XYLT2: variants seen among roughly 807,000 people sequenced by gnomAD.
XYLT2 encodes UDP-D-xylose:proteoglycan core protein beta-D-xylosyltransferase.
A neutral mutation model predicts 82.6 loss-of-function variants in XYLT2; 37 were observed. The observed-to-expected ratio is 0.45, with a 90% CI of 0.34 to 0.59. The LOEUF (loss-of-function observed/expected upper bound fraction) is 0.59. Among genes scored for constraint, XYLT2 ranks in the 20% least tolerant of loss-of-function variants. XYLT2 has a pLI of 0.01. For synonymous variants in XYLT2, 474 were observed against 499.0 expected (o/e 0.95, Z 0.67); for missense variants, 934 against 1,181.3 (o/e 0.79, Z 3.07).
intron 6 of XYLT2, 26 bp from the exon 7 acceptor site, chr17:50,356,059 C>T: frequency 6.2e-7 from 1 of 1,614,104 alleles, no homozygotes; most frequent in East Asian, 2.2e-5. Context: ...TGCAGCTCAC[C>T]TTCCACTCTC....
At chr17:50,348,669 C>T (rs1912136612) in intron 1 of XYLT2, among the ~76,000 whole-genome samples, 1 of 152,118 alleles carries the variant, frequency 6.6e-6, no homozygotes, top group Admixed American at 6.5e-5. Flanking sequence ...CCCGAGAAGT[C>T]AAAGGAGGTG....
chr17:50,356,861 A>G, intron 8 of XYLT2, 88 bp downstream of exon 8: 2 of 1,522,854 alleles, frequency 1.3e-6, no homozygotes, highest in Non-Finnish European at 1.8e-6. Flanking sequence ...CCTGCCCACA[A>G]CAAGGCCCCA....
Position 50,346,425 on chromosome 17 carries a change from C to A in XYLT2, c.135+150C>A. On this transcript the variant is annotated intron_variant, in intron 1 of 10. Coordinates refer to ENST00000017003, the MANE Select transcript of XYLT2 (RefSeq NM_022167.4). This position sits in a 1 kb window ranked among gnomAD's most constrained non-coding sequence, Gnocchi z 5.1. ...CGGTCGCCCAGAGCGGAGCATCCGG[C>A]CCCCGGCACTCCCTTCCCCAGCAGG... 1 of 921,374 alleles carries A rather than the reference C, an allele frequency of 1.1e-6. No homozygotes were observed. The highest frequency in any genetic ancestry group is 1.8e-5 in the African/African-American group (1 of 56,064). The allele number at this position is 921,374 out of a possible 1,614,324, so 57.1% of individuals were successfully genotyped here. A position where few individuals can be genotyped will look rare whatever the true frequency, so the allele number is the denominator to read the frequency against.
chr17:50,351,793 T>C (rs1912281542), intron 1 of XYLT2, among the ~76,000 whole-genome samples: 1 of 152,112 alleles, frequency 6.6e-6, no homozygotes, highest in Non-Finnish European at 1.5e-5. Context: ...CGAGCTCCCA[T>C]GTGAGATGTC....
chr17:50,346,582 G>C lies in XYLT2; in HGVS notation c.135+307G>C. On this transcript the variant is annotated intron_variant, in intron 1 of 10. Coordinates refer to ENST00000017003, the MANE Select transcript of XYLT2 (RefSeq NM_022167.4). This position sits in a 1 kb window ranked among gnomAD's most constrained non-coding sequence, Gnocchi z 5.1. ...GGGAGCGATGAAGGTCAGGCGCGGC[G>C]AGCGGGGCTGGGAGGCGGGGCTGGG... The C allele has an allele frequency of 1.0e-6, 1 of 982,382 alleles. No homozygotes were observed. Among genetic ancestry groups the C allele is most frequent in the Non-Finnish European group, 1.2e-6 (1 of 827,142 alleles). 60.9% of individuals were successfully genotyped at this position (982,382 alleles called of 1,614,324 possible).
intron 1 of XYLT2, 108 bp from the exon 2 acceptor site, chr17:50,353,521 AG>A: frequency 8.2e-6 from 12 of 1,468,288 alleles, no homozygotes; most frequent in Non-Finnish European, 1.0e-5. Flanking sequence ...TCTGGGTAAA[AG>A]GTGGGCAGGA....
Position 50,353,649 on chromosome 17 carries a change from C to T in XYLT2, c.155C>T (p.Pro52Leu), listed in dbSNP as rs1158178881. 1 of 1,565,754 alleles carries T rather than the reference C, an allele frequency of 6.4e-7. No individual in the cohort carries two copies. Among genetic ancestry groups the T allele is most frequent in the Admixed American group, 1.9e-5 (1 of 53,376 alleles). The change falls in exon 2 of 11, where the codon CCA (proline) becomes CTA (leucine). Residue 52 changes from proline to leucine, a missense_variant. This residue lies in a region of XYLT2 where 371 missense variants were observed against 394.9 expected (regional missense o/e 0.94). Coordinates refer to ENST00000017003, the MANE Select transcript of XYLT2 (RefSeq NM_022167.4). ...EAGEKGRQRK[P>L]RPLDPGEGSK... ...TTACAGAAAGGAAGGCAGAGGAAGC[C>T]ACGGCCACTGGACCCTGGCGAGGGT... is the stretch of plus-strand genomic sequence containing the variant.
chr17:50,356,619 C>T lies in XYLT2; in HGVS notation c.1591C>T (p.Pro531Ser). 1.2e-6 allele frequency: 2 copies of T among 1,614,150 alleles called. No individual in the cohort carries two copies. Among genetic ancestry groups the T allele is most frequent in the Non-Finnish European group, 1.7e-6 (2 of 1,180,020 alleles). The change falls in exon 8 of 11, where the codon CCA becomes TCA. Residue 531 changes from proline (P) to serine (S), a missense_variant. By Grantham distance (74) the Pro-to-Ser change is moderately conservative. This residue lies in a region of XYLT2 where 374 missense variants were observed against 465.6 expected (regional missense o/e 0.80). Transcript: ENST00000017003. ...GTATGGCAGCTACCCCCCCGGCACG[C>T]CAGCCCTCAAGGCCTACTGGGAGAA... ...HLYGSYPPGT[P>S]ALKAYWENTY...
In XYLT2 at chr17:50,355,780, G is replaced by C. The variant is rs1598351331; in HGVS notation, c.1089-1G>C. 1 of 1,614,116 alleles carries C rather than the reference G, an allele frequency of 6.2e-7. No homozygotes were observed. Among genetic ancestry groups the C allele is most frequent in the Non-Finnish European group, 8.5e-7 (1 of 1,180,030 alleles). On this transcript the variant is annotated splice_acceptor_variant, in intron 5 of 10. Coordinates refer to ENST00000017003, the MANE Select transcript of XYLT2 (RefSeq NM_022167.4). LOFTEE classifies it high-confidence loss of function. ...AGCCATGGCCTCTCTGCTGCCCACAGGTTCATCAAGAAACAGGGCCTGGAC... is the reference window on the plus strand; with the variant it reads ...AGCCATGGCCTCTCTGCTGCCCACACGTTCATCAAGAAACAGGGCCTGGAC...
intron 8 of XYLT2, 31 bp from the exon 9 acceptor site, chr17:50,357,026 G>C (rs1483181417): frequency 1.8e-5 from 28 of 1,564,606 alleles, no homozygotes; most frequent in Non-Finnish European, 2.3e-5. Context: ...TGTGCTGATG[G>C]CATCTCCCTT....
chr17:50,346,278 G>A lies in XYLT2; in HGVS notation c.135+3G>A, dbSNP rs776652901. On this transcript the variant is annotated splice_donor_region_variant and intron_variant, in intron 1 of 10. Coordinates refer to ENST00000017003, the MANE Select transcript of XYLT2 (RefSeq NM_022167.4). This position sits in a 1 kb window ranked among gnomAD's most constrained non-coding sequence, Gnocchi z 5.1. The stretch of plus-strand genomic sequence containing the variant: ...TGGAGGAGGACGAGGCGGGCGAGGT[G>A]CTCCGACGGCCGGGCGGGCGGGCAG... 4.5e-6 allele frequency: 5 copies of A among 1,114,638 alleles called. No individual in the cohort carries two copies. In the South Asian group the frequency reaches 1.4e-4, roughly 31 times the overall value. 69.0% of individuals were successfully genotyped at this position (1,114,638 alleles called of 1,614,324 possible).
rs758090301 is a variant in XYLT2, at chr17:50,353,819, G to A, written c.325G>A (p.Val109Ile). 1.9e-6 allele frequency: 3 copies of A among 1,581,626 alleles called. No individual in the cohort carries two copies. Among genetic ancestry groups the A allele is most frequent in the Non-Finnish European group, 1.7e-6 (2 of 1,165,184 alleles). ...CAGCCGGCAGAGAGCCAGCCGGCGG[G>A]TCCCACCTGCCCCACCCCCGGAAGC... ...VTSRQRASRR[V>I]PPAPPPEAPG... Residue 109 changes from valine to isoleucine, a missense_variant, in exon 2 of 11, where the codon GTC becomes ATC. Coordinates refer to ENST00000017003, the MANE Select transcript of XYLT2 (RefSeq NM_022167.4).
At chr17:50,359,736 C>T in intron 10 of XYLT2, 1 of 556,554 alleles carries the variant, frequency 1.8e-6, no homozygotes, top group Non-Finnish European at 3.2e-6. Flanking sequence ...TGCCTTGAAC[C>T]CACTGCTTTA....
intron 10 of XYLT2, 21 bp from the exon 11 acceptor site, chr17:50,359,948 C>T (rs1912726941): frequency 6.5e-7 from 1 of 1,550,128 alleles, no homozygotes; most frequent in African/African-American, 1.4e-5. Flanking sequence ...GGTGTGCTTA[C>T]TGCCTGCTCT....
chr17:50,357,051 C>T lies in XYLT2; in HGVS notation c.1746-6C>T. On this transcript the variant is annotated splice_polypyrimidine_tract_variant and splice_region_variant and intron_variant, in intron 8 of 10. Transcript: ENST00000017003. ...GCATCTCCCTTTCTCCCTGCTGGCA[C>T]CTTAGGTTTGAGCCCAGGGGCTTGC... 1.3e-6 allele frequency: 2 copies of T among 1,592,322 alleles called. No homozygotes were observed. The highest frequency in any genetic ancestry group is 2.2e-5 in the East Asian group (1 of 44,646).
Position 50,354,836 on chromosome 17 carries a change from G to A in XYLT2, c.805-18G>A. 1.2e-6 allele frequency: 2 copies of A among 1,612,296 alleles called. No homozygotes were observed. The highest frequency in any genetic ancestry group is 2.2e-5 in the East Asian group (1 of 44,880). On this transcript the variant is annotated intron_variant, in intron 3 of 10. Transcript: ENST00000017003. Reference sequence around the variant, plus strand: ...GGCGATAACACTGGAGGCTAGCTGAGTGTCTCCTCCCCACCAGCGTTCCGA... The same window carrying A: ...GGCGATAACACTGGAGGCTAGCTGAATGTCTCCTCCCCACCAGCGTTCCGA...
At position 50,346,231 on chromosome 17, in the gene XYLT2, G is replaced by C; in HGVS notation, c.91G>C (p.Val31Leu). ...ALAILLLQGL[V>L]VWSFSGLEED... ...GGCCATCCTGCTGCTGCAGGGCCTG[G>C]TAGTGTGGAGCTTCAGCGGCCTGGA... The change falls in exon 1 of 11, where the codon GTA becomes CTA. Residue 31 changes from valine to leucine, a missense_variant. Val to Leu is a conservative substitution (Grantham distance 32, BLOSUM62 1). This residue lies in a region of XYLT2 where 371 missense variants were observed against 394.9 expected (regional missense o/e 0.94). Transcript: ENST00000017003. The surrounding 1 kb of genome is among the most constrained non-coding windows in gnomAD (Gnocchi z 5.1). 1 of 1,256,276 alleles carries C rather than the reference G, an allele frequency of 8.0e-7. No homozygotes were observed. The highest frequency in any genetic ancestry group is 1.6e-5 in the South Asian group (1 of 62,114). The allele number at this position is 1,256,276 out of a possible 1,614,324, so 77.8% of individuals were successfully genotyped here. A position where few individuals can be genotyped will look rare whatever the true frequency, so the allele number is the denominator to read the frequency against.
intron 1 of XYLT2, 38 bp from the exon 2 acceptor site, chr17:50,353,592 G>C (rs1288530836): frequency 6.5e-7 from 1 of 1,536,572 alleles, no homozygotes; most frequent in Admixed American, 2.2e-5. Flanking sequence ...GAGGAGGTGA[G>C]GGTCTGCCCC....
intron 1 of XYLT2, among the ~76,000 whole-genome samples, chr17:50,352,378 G>A (rs1231664503): frequency 6.6e-6 from 1 of 152,214 alleles, no homozygotes; most frequent in Non-Finnish European, 1.5e-5. Flanking sequence ...CTAGGTGTCC[G>A]TGTGTGCCAG....
Sources: gnomAD v4.1 joint callset for allele counts (sites outside exome capture counted in the v4.1 genomes callset) on GRCh38, gnomAD v4.1.1 for gene constraint, gnomAD v4.1.1 regional missense constraint, Gnocchi (gnomAD v3.1) non-coding constraint, MANE v1.5 for transcripts, NCBI Gene and HGNC (gene_info 2026-07-23, HGNC 2026-07-21) for gene names.